MYH15: variants seen among roughly 807,000 people sequenced by gnomAD.
The protein encoded by MYH15 is myosin heavy chain 15, also known as myosin-15.
Under a neutral mutation model 240.5 loss-of-function variants are expected in MYH15, and 227 were observed. The observed-to-expected ratio is 0.94, with a 90% CI of 0.85 to 1.05. The LOEUF is 1.05. Ranked by LOEUF, MYH15 falls within the 50% of genes least tolerant of loss-of-function variation. The pLI is 0.00. For synonymous variants in MYH15, 785 were observed against 796.7 expected (o/e 0.99, Z 0.25); for missense variants, 2,217 against 2,247.5 (o/e 0.99, Z 0.27).
At chr3:108,487,905 C>T (rs1417829616) in intron 9 of MYH15, among the ~76,000 whole-genome samples, 1 of 152,050 alleles carries the variant, frequency 6.6e-6, no homozygotes, top group Non-Finnish European at 1.5e-5. Flanking sequence ...TAAAAATATC[C>T]TGTAAAAATT....
intron 18 of MYH15, 57 bp from the exon 19 acceptor site, chr3:108,456,940 G>A (rs1390293766): frequency 7.9e-7 from 1 of 1,270,620 alleles, no homozygotes; most frequent in Non-Finnish European, 1.1e-6. Context: ...TATTGGGACA[G>A]ATTTTGAACC....
At chr3:108,381,889 C>T (rs994607780) in intron 40 of MYH15, among the ~76,000 whole-genome samples, 1 of 152,196 alleles carries the variant, frequency 6.6e-6, no homozygotes, top group African/African-American at 2.4e-5. Context: ...ACACAGAATT[C>T]TATCAGCAAA....
chr3:108,478,430 C>T (rs1025731629), intron 11 of MYH15, among the ~76,000 whole-genome samples: 1 of 152,136 alleles, frequency 6.6e-6, no homozygotes, highest in African/African-American at 2.4e-5. Context: ...GTAGAGCAGA[C>T]ATGCCCATCC....
intron 11 of MYH15, among the ~76,000 whole-genome samples, chr3:108,477,630 T>C (rs1397441399): frequency 6.6e-6 from 1 of 152,182 alleles, no homozygotes; most frequent in South Asian, 2.1e-4. Flanking sequence ...ACTTGGGCCA[T>C]GTAATCTGAT....
intron 34 of MYH15, 71 bp from the exon 35 acceptor site, chr3:108,398,911 C>G: frequency 1.3e-6 from 2 of 1,490,080 alleles, no homozygotes; most frequent in South Asian, 2.3e-5. Flanking sequence ...CCTACACATG[C>G]ATGATCTGAC....
chr3:108,489,224 A>C (rs2083328324), intron 9 of MYH15, among the ~76,000 whole-genome samples: 1 of 152,182 alleles, frequency 6.6e-6, no homozygotes, highest in Non-Finnish European at 1.5e-5. Flanking sequence ...TCTCTTGATG[A>C]TGCACAATTG....
At chr3:108,549,923 T>C in the MYH15 span, 6 of 152,162 alleles carry the variant, frequency 3.9e-5, no homozygotes, top group African/African-American at 1.4e-4. Context: ...CTTTTTCATA[T>C]TTGGTTGAAA....
In MYH15 at chr3:108,414,412, G is replaced by A. The variant is rs1462890372; in HGVS notation, c.3965C>T (p.Ala1322Val). 1.2e-6 allele frequency: 2 copies of A among 1,613,984 alleles called. No homozygotes were observed. The highest frequency in any genetic ancestry group is 3.3e-5 in the Admixed American group (2 of 60,026). ...ACGCTGAGCCTTCTGCAGGGCATGG[G>A]CCAGGGCACTCTGGGACTGTAGGGG... Reference protein sequence around the residue: ...EKETKSQSALAHALQKAQRDC... With the variant: ...EKETKSQSALVHALQKAQRDC... The change falls in exon 30 of 41, where the codon GCC (alanine) becomes GTC (valine). Residue 1322 changes from alanine (A) to valine (V), a missense_variant. By Grantham distance (64) the Ala-to-Val change is moderately conservative. Coordinates refer to ENST00000693548, the MANE Select transcript of MYH15 (RefSeq NM_014981.3).
chr3:108,513,123 C>T (rs551174599), upstream of MYH15, among the ~76,000 whole-genome samples: 11 of 152,052 alleles, frequency 7.2e-5, no homozygotes, highest in African/African-American at 2.7e-4. Flanking sequence ...TGAAAGAGCC[C>T]GAATGCCCAA....
chr3:108,471,210 G>C (rs2083173601), intron 12 of MYH15, among the ~76,000 whole-genome samples: 2 of 152,074 alleles, frequency 1.3e-5, no homozygotes, highest in Admixed American at 1.3e-4. Flanking sequence ...ACACAGATGA[G>C]AGGAATCATG....
intron 35 of MYH15, among the ~76,000 whole-genome samples, chr3:108,396,427 T>C (rs919989159): frequency 1.3e-4 from 20 of 152,124 alleles, no homozygotes; most frequent in Admixed American, 1.2e-3. Context: ...GCAACCTACA[T>C]CTCTCACATG....
chr3:108,500,202 C>T lies in MYH15; in HGVS notation c.412G>A (p.Ala138Thr). ...GATCGCCTCTTCCCTTTGTAGGCGG[C>T]CATGACTTCTTTCTGATACACGGGA... ...WLPVYQKEVMAAYKGKRRSEA... is the reference protein window; with the variant it reads ...WLPVYQKEVMTAYKGKRRSEA... The change falls in exon 4 of 41, where the codon GCC becomes ACC. Residue 138 changes from alanine to threonine, a missense_variant. Physicochemically the swap from Ala to Thr is moderately conservative, Grantham distance 58. Transcript: ENST00000693548. 6.2e-7 allele frequency: 1 copy of T among 1,614,024 alleles called. No homozygotes were observed. Among genetic ancestry groups the T allele is most frequent in the Non-Finnish European group, 8.5e-7 (1 of 1,179,946 alleles).
rs2082480124 is a variant in MYH15, at chr3:108,398,620, G to A, written c.5133+17C>T. On this transcript the variant is annotated intron_variant, in intron 35 of 40. Coordinates refer to ENST00000693548, the MANE Select transcript of MYH15 (RefSeq NM_014981.3). ...AACCAACTGGCCCAGCTAATAGGGA[G>A]AGTATATGGGCCCCACCTGGGTATA... 3 of 1,611,302 alleles carry A rather than the reference G, an allele frequency of 1.9e-6. No individual in the cohort carries two copies. The highest frequency in any genetic ancestry group is 4.3e-4 in the Middle Eastern group (2 of 4,598).
chr3:108,478,673 C>T (rs1039373639), intron 11 of MYH15, among the ~76,000 whole-genome samples: 27 of 141,742 alleles, frequency 1.9e-4, no homozygotes, highest in Non-Finnish European at 6.4e-5. Flanking sequence ...CAGTATCTGT[C>T]CAGGTTTAAA....
chr3:108,381,559 C>T lies in MYH15; in HGVS notation c.5767G>A (p.Val1923Ile), dbSNP rs201226192. The change falls in exon 41 of 41, where the codon GTT becomes ATT. Residue 1923 changes from valine to isoleucine, a missense_variant and splice_region_variant. By Grantham distance (29) the Val-to-Ile change is conservative. Coordinates refer to ENST00000693548, the MANE Select transcript of MYH15 (RefSeq NM_014981.3). ...KIKAREFGKK[V>I]QEE ...AGCAGGGGATGCTATTCTTCTTGAA[C>T]CTGAAAAACAGAATGTCAGTGTGTT... 2 of 1,613,798 alleles carry T rather than the reference C, an allele frequency of 1.2e-6. No homozygotes were observed. The highest frequency in any genetic ancestry group is 1.7e-6 in the Non-Finnish European group (2 of 1,179,718).
chr3:108,438,875 TG>T (rs1344932196), intron 24 of MYH15, among the ~76,000 whole-genome samples: 13 of 152,124 alleles, frequency 8.5e-5, no homozygotes, highest in African/African-American at 3.1e-4. Context: ...GGTGGGTGTG[TG>T]GGTGTGGGTA....
At chr3:108,504,534 A>C (rs1016761853) in intron 2 of MYH15, among the ~76,000 whole-genome samples, 1 of 152,242 alleles carries the variant, frequency 6.6e-6, no homozygotes, top group Non-Finnish European at 1.5e-5. Flanking sequence ...AGCATTAAAA[A>C]GACAAACTTT....
rs2082999731 is a variant in MYH15, at chr3:108,454,138, A to C, written c.2267T>G (p.Phe756Cys). The C allele has an allele frequency of 6.2e-7, 1 of 1,609,166 alleles. No homozygotes were observed. Among genetic ancestry groups the C allele is most frequent in the Non-Finnish European group, 8.5e-7 (1 of 1,176,724 alleles). Residue 756 changes from phenylalanine (F) to cysteine (C), a missense_variant, in exon 21 of 41, where the codon TTT becomes TGT. Transcript: ENST00000693548. ...TTGGCCCAGAAACCCAGCTTTAAAA[A>C]ACACCTAAAGGAAAAGTCAGATGTT... ...TQYRFGITKV[F>C]FKAGFLGQLE... is the part of the protein sequence containing the mutation.
intron 40 of MYH15, 42 bp downstream of exon 40, chr3:108,383,553 A>C: frequency 3.8e-6 from 6 of 1,599,234 alleles, no homozygotes; most frequent in Non-Finnish European, 4.3e-6. Flanking sequence ...CCCTAAACAA[A>C]CATGATTAAA....
Sources: allele counts gnomAD v4.1 joint callset (sites outside exome capture counted in the v4.1 genomes callset), GRCh38; gene constraint gnomAD v4.1.1; transcripts MANE v1.5; gene names NCBI Gene and HGNC (gene_info 2026-07-23, HGNC 2026-07-21).